The following ACSL3 variants were observed in gnomAD, a reference collection of about 807,000 sequenced individuals.
ACSL3 encodes the protein acyl-CoA synthetase long chain family member 3.
A neutral mutation model predicts 84.7 loss-of-function variants in ACSL3; 34 were observed. The observed-to-expected ratio is 0.40, with a 90% CI of 0.31 to 0.53. The LOEUF is 0.53. ACSL3 is among the 20% of genes least tolerant of loss of function. ACSL3 has a pLI of 0.48. For missense variants in ACSL3, 680 were observed against 873.1 expected (o/e 0.78, Z 2.79); for synonymous variants, 315 against 299.4 (o/e 1.05, Z -0.54).
chr2:222,916,606 T>G, intron 5 of ACSL3, 110 bp downstream of exon 5: 1 of 1,233,962 alleles, frequency 8.1e-7, no homozygotes, highest in South Asian at 1.9e-5. Flanking sequence ...CAGTGTCCAG[T>G]TAGTGGAGAA....
chr2:222,867,131 C>G (rs1695171109), intron 1 of ACSL3, among the ~76,000 whole-genome samples: 2 of 152,100 alleles, frequency 1.3e-5, no homozygotes, highest in Non-Finnish European at 2.9e-5. Flanking sequence ...CCATGCCCGG[C>G]CTAGAATTTT....
intron 10 of ACSL3, among the ~76,000 whole-genome samples, chr2:222,924,252 G>A (rs372462907): frequency 6.6e-6 from 1 of 152,056 alleles, no homozygotes; most frequent in Non-Finnish European, 1.5e-5. Flanking sequence ...ATTGTGGTTC[G>A]ATTTTAAAAG....
intron 11 of ACSL3, among the ~76,000 whole-genome samples, chr2:222,925,467 T>A (rs1482305017): frequency 6.6e-6 from 1 of 151,760 alleles, no homozygotes; most frequent in African/African-American, 2.4e-5. Context: ...GTGTCATATA[T>A]CTGTAATCCC....
intron 4 of ACSL3, among the ~76,000 whole-genome samples, chr2:222,915,212 T>G (rs1164334297): frequency 6.6e-6 from 1 of 152,120 alleles, no homozygotes; most frequent in Non-Finnish European, 1.5e-5. Context: ...CTCCCTGTGC[T>G]GAGCATTTCA....
At chr2:222,891,617 A>C (rs1380901415) in intron 2 of ACSL3, among the ~76,000 whole-genome samples, 1 of 152,158 alleles carries the variant, frequency 6.6e-6, no homozygotes, top group Non-Finnish European at 1.5e-5. Context: ...TAGGGAGAGT[A>C]CTCAAGAGTC....
At chr2:222,909,488 C>A in intron 4 of ACSL3, 1 of 229,108 alleles carries the variant, frequency 4.4e-6, no homozygotes, top group Non-Finnish European at 8.4e-6. Flanking sequence ...GTGGGACCTG[C>A]TGTGTTAAAT....
intron 1 of ACSL3, among the ~76,000 whole-genome samples, chr2:222,872,698 G>A (rs977554036): frequency 1.3e-5 from 2 of 152,102 alleles, no homozygotes; most frequent in Non-Finnish European, 1.5e-5. Flanking sequence ...GTGGGGTGCC[G>A]AGGGTGGGGA....
At chr2:222,900,521 A>T (rs1191834756) in intron 2 of ACSL3, among the ~76,000 whole-genome samples, 153 bp from the exon 3 acceptor site, 1 of 152,036 alleles carries the variant, frequency 6.6e-6, no homozygotes, top group Non-Finnish European at 1.5e-5. Flanking sequence ...CCGTATTTTC[A>T]AGACTGTATT....
intron 1 of ACSL3, among the ~76,000 whole-genome samples, chr2:222,870,032 T>C (rs1438981708): frequency 6.6e-6 from 1 of 151,674 alleles, no homozygotes; most frequent in Admixed American, 6.6e-5. Flanking sequence ...CTGGCCCGAG[T>C]TGTTTGTAAC....
In ACSL3 at chr2:222,942,190, G is replaced by T. The variant is rs758198666; in HGVS notation, c.*536G>T. ...ATTATTGTCTTGTATGCATTTGAGA[G>T]AAATAAATATACCCATACTTATGTT... On this transcript the variant is annotated 3_prime_UTR_variant, in exon 17 of 17. Coordinates refer to ENST00000357430, the MANE Select transcript of ACSL3 (RefSeq NM_004457.5). The T allele has an allele frequency of 1.0e-5, 2 of 194,204 alleles. No homozygotes were observed. Among genetic ancestry groups the T allele is most frequent in the Non-Finnish European group, 2.1e-5 (2 of 93,080 alleles). 12.0% of individuals were successfully genotyped at this position (194,204 alleles called of 1,614,324 possible).
chr2:222,894,506 A>G (rs1427147993), intron 2 of ACSL3, among the ~76,000 whole-genome samples: 2 of 152,208 alleles, frequency 1.3e-5, no homozygotes, highest in African/African-American at 4.8e-5. Context: ...GCTCATCTTT[A>G]TTGTATAAGT....
intron 6 of ACSL3, 122 bp from the exon 7 acceptor site, chr2:222,918,942 T>G: frequency 8.5e-7 from 1 of 1,180,744 alleles, no homozygotes; most frequent in Non-Finnish European, 1.2e-6. Flanking sequence ...AGTGTACCCT[T>G]TCTTCTTTCT....
At position 222,926,012 on chromosome 2, in the gene ACSL3, G is replaced by A. The variant is rs536137362; in HGVS notation, c.1293-1005G>A. On this transcript the variant is annotated intron_variant, in intron 11 of 16. Transcript: ENST00000357430. ...TTTGTAAGTTTTTTTCCTGCCTTAC[G>A]TTAGTTATTTCTTCAGTGAGTTGTA... 5.9e-5 allele frequency among the ~76,000 whole-genome samples: 9 copies of A among 152,142 alleles called. No homozygotes were observed. The East Asian group carries it at 1.4e-3, about 23-fold the overall frequency.
intron 6 of ACSL3, 111 bp downstream of exon 6, chr2:222,918,266 G>A: frequency 3.6e-6 from 2 of 550,052 alleles, no homozygotes; most frequent in Non-Finnish European, 6.2e-6. Context: ...TAATCTTTGT[G>A]GACTTTTATG....
At chr2:222,928,990 A>T in intron 13 of ACSL3, 54 bp downstream of exon 13, 1 of 1,432,384 alleles carries the variant, frequency 7.0e-7, no homozygotes, top group Non-Finnish European at 9.8e-7. Context: ...TAAACTTGAA[A>T]ATTAGTGCTT....
intron 16 of ACSL3, among the ~76,000 whole-genome samples, chr2:222,938,627 C>T (rs1697231471): frequency 6.6e-6 from 1 of 151,924 alleles, no homozygotes; most frequent in Non-Finnish European, 1.5e-5. Flanking sequence ...TAGTTCTCTT[C>T]CTAGTGGAGT....
chr2:222,896,578 T>C (rs1401046300), intron 2 of ACSL3, among the ~76,000 whole-genome samples: 7 of 6,498 alleles, frequency 1.1e-3, no homozygotes, highest in Non-Finnish European at 1.5e-3. Context: ...GGGGGGCTGA[T>C]CCCCCCACCT....
chr2:222,885,815 T>C (rs1213508087), intron 1 of ACSL3, among the ~76,000 whole-genome samples: 1 of 152,100 alleles, frequency 6.6e-6, no homozygotes, highest in African/African-American at 2.4e-5. Context: ...TGATCTCGGC[T>C]TAACGCAACC....
intron 4 of ACSL3, among the ~76,000 whole-genome samples, chr2:222,914,369 TC>T (rs1275675243): frequency 6.6e-6 from 1 of 151,938 alleles, no homozygotes; most frequent in Non-Finnish European, 1.5e-5. Flanking sequence ...GGTCAGGTGA[TC>T]CTTTTGCCTC....
Sources: allele counts gnomAD v4.1 joint callset (sites outside exome capture counted in the v4.1 genomes callset), GRCh38; gene constraint gnomAD v4.1.1; transcripts MANE v1.5; gene names NCBI Gene and HGNC (gene_info 2026-07-23, HGNC 2026-07-21).